Variants in L3MBTL3 observed in about 807,000 individuals in gnomAD.
The protein encoded by L3MBTL3 is L3MBTL histone methyl-lysine binding protein 3.
L3MBTL3 carries 27 observed loss-of-function variants against 102.3 expected under a neutral mutation model. That is an observed-to-expected ratio of 0.26 (90% CI 0.19 to 0.36). The LOEUF (loss-of-function observed/expected upper bound fraction) is 0.36. Among genes scored for constraint, L3MBTL3 ranks in the 10% least tolerant of loss-of-function variants. L3MBTL3 has a pLI of 1.00. For missense variants in L3MBTL3, 798 were observed against 955.3 expected (o/e 0.84, Z 2.17); for synonymous variants, 340 against 320.9 (o/e 1.06, Z -0.64).
intron 19 of L3MBTL3, among the ~76,000 whole-genome samples, chr6:130,120,149 G>T (rs538131096): frequency 6.6e-6 from 1 of 152,028 alleles, no homozygotes; most frequent in Non-Finnish European, 1.5e-5. Context: ...TGCAAAATGG[G>T]GTTTATTGTG....
chr6:130,072,970 G>A (rs1782730824), intron 13 of L3MBTL3, among the ~76,000 whole-genome samples: 1 of 152,202 alleles, frequency 6.6e-6, no homozygotes, highest in Non-Finnish European at 1.5e-5. Context: ...TTTTGTTAAA[G>A]ACACCAGGTT....
chr6:130,064,757 G>A (rs1186346119), intron 10 of L3MBTL3, among the ~76,000 whole-genome samples: 1 of 152,148 alleles, frequency 6.6e-6, no homozygotes, highest in African/African-American at 2.4e-5. Flanking sequence ...GTATGACTGT[G>A]GGCAAGGAGG....
At chr6:130,091,192 C>A (rs1448639685) in intron 16 of L3MBTL3, among the ~76,000 whole-genome samples, 1 of 152,050 alleles carries the variant, frequency 6.6e-6, no homozygotes, top group Non-Finnish European at 1.5e-5. Context: ...AAAGGCTGAT[C>A]CACTCTGTGA....
intron 22 of L3MBTL3, among the ~76,000 whole-genome samples, chr6:130,135,070 CTTTTTTT>C (rs5880000): frequency 3.9e-5 from 5 of 127,414 alleles, no homozygotes; most frequent in Middle Eastern, 4.3e-3. Flanking sequence ...CTGTTTTTTC[CTTTTTTT>C]TTTTTTTTTT....
intron 13 of L3MBTL3, among the ~76,000 whole-genome samples, chr6:130,073,967 A>G (rs931107627): frequency 4.6e-5 from 7 of 152,284 alleles, no homozygotes; most frequent in African/African-American, 1.7e-4. Flanking sequence ...CTCAACATGC[A>G]GTTAAGATGC....
chr6:130,057,914 C>T lies in L3MBTL3; in HGVS notation c.759+417C>T, dbSNP rs565642436. Among the ~76,000 whole-genome samples, 1,175 of 151,946 alleles carry T rather than the reference C, an allele frequency of 7.7e-3. 20 individuals are homozygous for T. Among genetic ancestry groups the T allele is most frequent in the African/African-American group, 0.027 (1,103 of 41,444 alleles). ...ATCCCAGCACTTTGGGAGGCCGAGGCGGGTGGATCACGAGGTCAGGAGATC... is the reference window on the plus strand; with the variant it reads ...ATCCCAGCACTTTGGGAGGCCGAGGTGGGTGGATCACGAGGTCAGGAGATC... On this transcript the variant is annotated intron_variant, in intron 9 of 22. Transcript: ENST00000361794.
At chr6:130,078,429 C>A in intron 13 of L3MBTL3, 129 bp from the exon 14 acceptor site, 1 of 566,814 alleles carries the variant, frequency 1.8e-6, no homozygotes. Context: ...CATTTTTTTC[C>A]AAATTAGATT....
At chr6:130,092,489 A>G (rs1784118775) in intron 16 of L3MBTL3, among the ~76,000 whole-genome samples, 3 of 152,142 alleles carry the variant, frequency 2.0e-5, no homozygotes, top group African/African-American at 7.2e-5. Flanking sequence ...AATACACATA[A>G]TATGTCTGTA....
chr6:130,065,881 T>C (rs1170251582), intron 10 of L3MBTL3, among the ~76,000 whole-genome samples: 1 of 152,000 alleles, frequency 6.6e-6, no homozygotes, highest in African/African-American at 2.4e-5. Context: ...TTTCTTTCTT[T>C]CTTCCAACCC....
intron 9 of L3MBTL3, among the ~76,000 whole-genome samples, chr6:130,058,112 C>A (rs961834587): frequency 7.4e-6 from 1 of 134,504 alleles, no homozygotes; most frequent in Non-Finnish European, 1.5e-5. Context: ...CATTGCAGTC[C>A]GCAGTCCGGC....
chr6:130,126,369 G>A (rs1786610021), intron 20 of L3MBTL3, among the ~76,000 whole-genome samples: 1 of 152,090 alleles, frequency 6.6e-6, no homozygotes, highest in South Asian at 2.1e-4. Context: ...GCCCTCCTGG[G>A]TCAGCCTACC....
intron 20 of L3MBTL3, among the ~76,000 whole-genome samples, chr6:130,123,615 A>T (rs1036920693): frequency 2.0e-5 from 3 of 152,198 alleles, no homozygotes; most frequent in Non-Finnish European, 2.9e-5. Flanking sequence ...CATAAAATTT[A>T]TCTATAGTGA....
In L3MBTL3 at chr6:130,051,418, TG is replaced by T; in HGVS notation, c.449+11del. 3.1e-6 allele frequency: 5 copies of T among 1,607,864 alleles called. No homozygotes were observed. The South Asian group carries it at 5.5e-5, about 18-fold the overall frequency. ...GGCACATCAAAGATAAGTAGGTTTT[TG>T]CCCCATTCCATCTATAAATTGAGTT... is the stretch of plus-strand genomic sequence containing the variant. On this transcript the variant is annotated intron_variant, in intron 6 of 22. Transcript: ENST00000361794.
chr6:130,094,142 G>C (rs1784214672), intron 17 of L3MBTL3, 123 bp from the exon 18 acceptor site: 1 of 575,660 alleles, frequency 1.7e-6, no homozygotes, highest in Non-Finnish European at 3.0e-6. Flanking sequence ...GTTTATGTAT[G>C]TTGGTTAAAA....
At position 130,086,245 on chromosome 6, in the gene L3MBTL3, G is replaced by A; in HGVS notation, c.1513G>A (p.Val505Ile). The A allele has an allele frequency of 1.3e-6, 2 of 1,596,016 alleles. No individual in the cohort carries two copies. The highest frequency in any genetic ancestry group is 1.7e-6 in the Non-Finnish European group (2 of 1,165,812). ...TGTGGCAGACACAGATGATCACCGG[G>A]TAAAAGTAAGTGTTCTGTGTGGGGG... Reference protein sequence around the residue: ...ATVADTDDHRVKVHFDGWNNC... With the variant: ...ATVADTDDHRIKVHFDGWNNC... The change falls in exon 16 of 23, where the codon GTA becomes ATA. Residue 505 changes from valine (V) to isoleucine (I), a missense_variant. Val to Ile is a conservative substitution (Grantham distance 29). Around this residue, in one of 4 missense-constraint regions of L3MBTL3, gnomAD observed 306 missense variants for 314.4 expected, o/e 0.97. Transcript: ENST00000361794.
intron 16 of L3MBTL3, among the ~76,000 whole-genome samples, chr6:130,088,376 G>A (rs1362814910): frequency 1.3e-5 from 2 of 152,140 alleles, no homozygotes; most frequent in African/African-American, 4.8e-5. Context: ...TATCTAATAA[G>A]TGGGAGATTA....
chr6:130,065,243 C>T lies in L3MBTL3; in HGVS notation c.865-1110C>T, dbSNP rs1782170204. Among the ~76,000 whole-genome samples the T allele has an allele frequency of 2.0e-5, 3 of 152,302 alleles. No homozygotes were observed. In the South Asian group the frequency reaches 6.2e-4, roughly 32 times the overall value. ...ACTTCCTAGAAGAAATCATTATTAA[C>T]ATTTTGGCAAATATACCTCCGGACT... is the stretch of plus-strand genomic sequence containing the variant. On this transcript the variant is annotated intron_variant, in intron 10 of 22. Transcript: ENST00000361794.
intron 2 of L3MBTL3, among the ~76,000 whole-genome samples, chr6:130,023,210 C>T (rs1210467779): frequency 6.6e-6 from 1 of 152,036 alleles, no homozygotes; most frequent in Non-Finnish European, 1.5e-5. Context: ...AACTAACAAC[C>T]TTCATTGGGC....
intron 13 of L3MBTL3, among the ~76,000 whole-genome samples, chr6:130,076,815 A>G (rs1422818631): frequency 6.6e-6 from 1 of 152,192 alleles, no homozygotes; most frequent in Non-Finnish European, 1.5e-5. Flanking sequence ...TTAAGAAAAT[A>G]TAAGTAAAAT....
Sources: allele counts gnomAD v4.1 joint callset (sites outside exome capture counted in the v4.1 genomes callset), GRCh38; gene constraint gnomAD v4.1.1; regional missense constraint gnomAD v4.1.1; transcripts MANE v1.5; gene names NCBI Gene and HGNC (gene_info 2026-07-23, HGNC 2026-07-21).